ANKRD44: variants seen among roughly 807,000 people sequenced by gnomAD.
ANKRD44 encodes ankyrin repeat domain 44.
A neutral mutation model predicts 116.0 loss-of-function variants in ANKRD44; 35 were observed. The ratio of observed to expected loss-of-function variants is 0.30; its 90% CI spans 0.23 to 0.40. ANKRD44 has a LOEUF of 0.40. Ranked by LOEUF, ANKRD44 falls within the 10% of genes least tolerant of loss-of-function variation. ANKRD44 has a pLI of 1.00. For missense variants in ANKRD44, 1,014 were observed against 1,242.6 expected, an observed-to-expected ratio of 0.82 and a Z score of 2.77; for synonymous variants, 435 against 461.8, an observed-to-expected ratio of 0.94 and a Z score of 0.74.
chr2:197,294,543 C>CCA (rs1377209076), intron 1 of ANKRD44, among the ~76,000 whole-genome samples: 1 of 151,858 alleles, frequency 6.6e-6, no homozygotes, highest in Non-Finnish European at 1.5e-5. Context: ...ACACTGGAAA[C>CCA]CACACACACA....
At chr2:197,095,546 TC>T (rs1259517254) in intron 10 of ANKRD44, among the ~76,000 whole-genome samples, 1 of 152,166 alleles carries the variant, frequency 6.6e-6, no homozygotes, top group African/African-American at 2.4e-5. Context: ...AGGACCATAA[TC>T]CTACACAAAT....
At chr2:197,065,179 T>G (rs1471470233) in intron 16 of ANKRD44, among the ~76,000 whole-genome samples, 2 of 152,186 alleles carry the variant, frequency 1.3e-5, no homozygotes, top group African/African-American at 2.4e-5. Context: ...ACATGGAAAC[T>G]GAACAACCTG....
At chr2:197,072,681 A>G (rs2077585886) in intron 16 of ANKRD44, among the ~76,000 whole-genome samples, 1 of 152,208 alleles carries the variant, frequency 6.6e-6, no homozygotes, top group Admixed American at 6.5e-5. Context: ...AATGCCTTAT[A>G]AGTTGATATT....
chr2:196,990,850 G>T (rs2075901838), intron 27 of ANKRD44: 2 of 1,232,494 alleles, frequency 1.6e-6, no homozygotes, highest in Non-Finnish European at 2.0e-6. Flanking sequence ...GGAGAAAAAG[G>T]CATCATGGTA....
Position 197,081,870 on chromosome 2 carries a change from A to G in ANKRD44, c.1458-145T>C, listed in dbSNP as rs571784153. On this transcript the variant is annotated intron_variant, in intron 14 of 27. Transcript: ENST00000282272. ...CACCACTGATTTTCATTGAAGATAT[A>G]CATGGTTCTCTCCAAAGCCATCCAG... 5.1e-4 allele frequency: 330 copies of G among 642,266 alleles called. 6 individuals are homozygous for G. The South Asian group carries it at 6.3e-3, about 12-fold the overall frequency. 39.8% of individuals were successfully genotyped at this position (642,266 alleles called of 1,614,324 possible). A position where few individuals can be genotyped will look rare whatever the true frequency, so the allele number is the denominator to read the frequency against.
At position 196,993,934 on chromosome 2, in the gene ANKRD44, C is replaced by T. The variant is rs1032925614; in HGVS notation, c.2832-260G>A. On this transcript the variant is annotated intron_variant, in intron 26 of 27. Coordinates refer to ENST00000282272, the MANE Select transcript of ANKRD44 (RefSeq NM_001195144.2). ...CAAACAATCTCAATGACAGTAAATA[C>T]GAAGACAGAGGAAGAACTCAAGCTT... Among the ~76,000 whole-genome samples, 9 of 152,150 alleles carry T rather than the reference C, an allele frequency of 5.9e-5. No individual in the cohort carries two copies. The South Asian group carries it at 6.2e-4, about 10-fold the overall frequency.
At chr2:197,116,339 T>C (rs2078707006) in intron 8 of ANKRD44, among the ~76,000 whole-genome samples, 1 of 152,198 alleles carries the variant, frequency 6.6e-6, no homozygotes, top group Non-Finnish European at 1.5e-5. Context: ...ATTCCAATAA[T>C]TTCCCTTCCT....
intron 16 of ANKRD44, chr2:197,030,133 G>A (rs2076676525): frequency 6.5e-6 from 1 of 152,916 alleles, no homozygotes; most frequent in Non-Finnish European, 1.5e-5. Context: ...TTCATCCACT[G>A]ATTGCAGTAG....
At chr2:197,265,124 T>C (rs2082707456) in intron 1 of ANKRD44, among the ~76,000 whole-genome samples, 4 of 152,048 alleles carry the variant, frequency 2.6e-5, no homozygotes, top group Non-Finnish European at 4.4e-5. Flanking sequence ...AGCCAAAAAT[T>C]CAAATAAGTG....
intron 16 of ANKRD44, among the ~76,000 whole-genome samples, chr2:197,057,826 C>G (rs1023883799): frequency 1.3e-5 from 2 of 152,032 alleles, no homozygotes; most frequent in African/African-American, 4.8e-5. Context: ...CTACTGCACT[C>G]TAGCCTGGGT....
chr2:197,032,819 A>G (rs2076732749), intron 16 of ANKRD44, among the ~76,000 whole-genome samples: 1 of 152,246 alleles, frequency 6.6e-6, no homozygotes, highest in African/African-American at 2.4e-5. Flanking sequence ...TAGAAGGTGG[A>G]ATGAACACAG....
chr2:197,281,342 C>T (rs1456705793), intron 1 of ANKRD44, among the ~76,000 whole-genome samples: 1 of 152,078 alleles, frequency 6.6e-6, no homozygotes, highest in South Asian at 2.1e-4. Context: ...CCTCCATCCC[C>T]CACCCCCCAT....
intron 1 of ANKRD44, among the ~76,000 whole-genome samples, chr2:197,223,661 GA>G (rs1323216853): frequency 6.6e-6 from 1 of 152,164 alleles, no homozygotes; most frequent in African/African-American, 2.4e-5. Flanking sequence ...GATAAAACCA[GA>G]AGGGAAATCA....
rs569161998 is a variant in ANKRD44, at chr2:197,193,840, C to A, written c.28-6734G>T. ...GAGCTTGCAGTGAGCCGAGATCGCG[C>A]CACTGCACTCCAGCCTGGGCAACAG... On this transcript the variant is annotated intron_variant, in intron 1 of 27. Coordinates refer to ENST00000282272, the MANE Select transcript of ANKRD44 (RefSeq NM_001195144.2). Among the ~76,000 whole-genome samples, 7 of 152,200 alleles carry A rather than the reference C, an allele frequency of 4.6e-5. No individual in the cohort carries two copies. In the East Asian group the frequency reaches 1.2e-3, roughly 25 times the overall value.
At chr2:197,088,067 G>A (rs1056860716) in intron 12 of ANKRD44, among the ~76,000 whole-genome samples, 1 of 152,026 alleles carries the variant, frequency 6.6e-6, no homozygotes, top group Non-Finnish European at 1.5e-5. Flanking sequence ...CCCAAACAAG[G>A]TCATCCAAGA....
At chr2:197,005,037 C>T (rs1241269612) in intron 21 of ANKRD44, among the ~76,000 whole-genome samples, 2 of 151,846 alleles carry the variant, frequency 1.3e-5, no homozygotes, top group Non-Finnish European at 2.9e-5. Flanking sequence ...ATTCCAGTTT[C>T]AAAAAATATA....
chr2:197,060,486 AAACT>A (rs1245146144), intron 16 of ANKRD44, among the ~76,000 whole-genome samples: 25 of 152,230 alleles, frequency 1.6e-4, no homozygotes, highest in East Asian at 7.7e-4. Flanking sequence ...TACCACAAAC[AAACT>A]AATTAATATC....
At chr2:197,010,476 G>A (rs1039735191) in intron 18 of ANKRD44, among the ~76,000 whole-genome samples, 3 of 152,158 alleles carry the variant, frequency 2.0e-5, no homozygotes, top group Non-Finnish European at 2.9e-5. Context: ...GCCCCCATGC[G>A]GGGCAGGCCT....
chr2:197,164,636 C>T (rs2080060614), intron 2 of ANKRD44, among the ~76,000 whole-genome samples: 1 of 152,162 alleles, frequency 6.6e-6, no homozygotes, highest in Admixed American at 6.5e-5. Context: ...ACCCCTGCCC[C>T]GGACCTCAGG....
Sources: gnomAD v4.1 joint callset for allele counts (sites outside exome capture counted in the v4.1 genomes callset) on GRCh38, gnomAD v4.1.1 for gene constraint, MANE v1.5 for transcripts, NCBI Gene and HGNC (gene_info 2026-07-23, HGNC 2026-07-21) for gene names.